KDM5B: variants seen among roughly 807,000 people sequenced by gnomAD.
KDM5B encodes the protein lysine-specific demethylase 5B.
Under a neutral mutation model 193.4 loss-of-function variants are expected in KDM5B, and 144 were observed. The observed-to-expected ratio is 0.74, with a 90% CI of 0.65 to 0.86. The LOEUF (loss-of-function observed/expected upper bound fraction) is 0.86, where lower values mean the gene tolerates loss of function less well. KDM5B is among the 40% of genes least tolerant of loss of function. The pLI is 0.00. For synonymous variants in KDM5B, 668 were observed against 682.6 expected, an observed-to-expected ratio of 0.98 and a Z score of 0.33; for missense variants, 1,833 against 1,886.9, an observed-to-expected ratio of 0.97 and a Z score of 0.53.
At chr1:202,757,177 A>G (rs762498173) in intron 9 of KDM5B, among the ~76,000 whole-genome samples, 5 of 152,166 alleles carry the variant, frequency 3.3e-5, no homozygotes, top group Non-Finnish European at 7.3e-5. Context: ...TTGCCCTCCT[A>G]TGAGACTCTA....
At chr1:202,750,619 CAAT>C (rs1655750861) in intron 13 of KDM5B, 37 bp downstream of exon 13, 2 of 1,599,824 alleles carry the variant, frequency 1.3e-6, no homozygotes, top group South Asian at 1.1e-5. Flanking sequence ...TCAGGAAAAA[CAAT>C]AAATTTGAAA....
rs1656794931 is a variant in KDM5B at position 202,773,215 on chromosome 1, C to G, written c.479G>C (p.Gly160Ala). 6.2e-7 allele frequency: 1 copy of G among 1,613,980 alleles called. No individual in the cohort carries two copies. Among genetic ancestry groups the G allele is most frequent in the Non-Finnish European group, 8.5e-7 (1 of 1,179,886 alleles). Residue 160 changes from glycine (G) to alanine (A), a missense_variant, in exon 4 of 27, where the codon GGG becomes GCG. By Grantham distance (60) the Gly-to-Ala change is moderately conservative. Coordinates refer to ENST00000367265, the MANE Select transcript of KDM5B (RefSeq NM_006618.5). Reference sequence around the variant, plus strand: ...GCCCACTGCTTTGCCAGGAGCAAACCCCATCTTGGTAGCAATTTTGGTCCA... The same window carrying G: ...GCCCACTGCTTTGCCAGGAGCAAACGCCATCTTGGTAGCAATTTTGGTCCA... The part of the protein sequence containing the change: ...RKWTKIATKM[G>A]FAPGKAVGSH...
chr1:202,792,990 G>A (rs934585229), intron 1 of KDM5B, among the ~76,000 whole-genome samples: 127 of 140,032 alleles, frequency 9.1e-4, no homozygotes, highest in Admixed American at 1.1e-3. Flanking sequence ...GCCACACAGC[G>A]AGACTCCCTC....
intron 1 of KDM5B, among the ~76,000 whole-genome samples, chr1:202,790,264 AAATG>A (rs538446481): frequency 2.8e-5 from 3 of 105,972 alleles, no homozygotes; most frequent in Non-Finnish European, 7.0e-5. Flanking sequence ...ACTGTCTCAT[AAATG>A]AATGAATGAA....
At chr1:202,778,536 A>G (rs1373197494) in intron 1 of KDM5B, among the ~76,000 whole-genome samples, 2 of 152,232 alleles carry the variant, frequency 1.3e-5, no homozygotes, top group Non-Finnish European at 2.9e-5. Flanking sequence ...ATTTAATGTT[A>G]TGTACATTTT....
chr1:202,772,645 G>T lies in KDM5B; in HGVS notation c.576+473C>A, dbSNP rs555308706. Among the ~76,000 whole-genome samples the T allele has an allele frequency of 5.9e-5, 9 of 151,810 alleles. No homozygotes were observed. In the East Asian group the frequency reaches 1.7e-3, roughly 29 times the overall value. ...CAGAAACAAACTTCTAAGTATAGCT[G>T]CTCTCAAAGCAGAACAAAAACACTA... On this transcript the variant is annotated intron_variant, in intron 4 of 26. Coordinates refer to ENST00000367265, the MANE Select transcript of KDM5B (RefSeq NM_006618.5).
At chr1:202,776,794 C>T (rs1656975774) in intron 2 of KDM5B, among the ~76,000 whole-genome samples, 1 of 152,098 alleles carries the variant, frequency 6.6e-6, no homozygotes, top group Admixed American at 6.6e-5. Flanking sequence ...CCTCCTGCCC[C>T]AGCCTCCCAA....
chr1:202,799,655 C>T (rs1444661835), intron 1 of KDM5B, among the ~76,000 whole-genome samples: 1 of 94,924 alleles, frequency 1.1e-5, no homozygotes, highest in Non-Finnish European at 2.4e-5. Context: ...GAAACTCCAT[C>T]TCAAAAAAAA....
Position 202,728,250 on chromosome 1 carries a change from C to T in KDM5B, c.*786G>A, listed in dbSNP as rs1654745080. 6.6e-6 allele frequency: 1 copy of T among 152,410 alleles called. No individual in the cohort carries two copies. Among genetic ancestry groups the T allele is most frequent in the Admixed American group, 6.5e-5 (1 of 15,282 alleles). 9.4% of individuals were successfully genotyped at this position (152,410 alleles called of 1,614,324 possible). ...ACAATATAAACTGTAACATTTGATA[C>T]AAGCTACCAAAAAATAGGGGAGAAA... On this transcript the variant is annotated 3_prime_UTR_variant, in exon 27 of 27. Coordinates refer to ENST00000367265, the MANE Select transcript of KDM5B (RefSeq NM_006618.5).
chr1:202,808,398 A>G lies in KDM5B; in HGVS notation c.-93T>C, dbSNP rs898208030. 13 of 1,165,202 alleles carry G rather than the reference A, an allele frequency of 1.1e-5. No individual in the cohort carries two copies. Among genetic ancestry groups the G allele is most frequent in the Non-Finnish European group, 1.5e-5 (13 of 849,942 alleles). 72.2% of individuals were successfully genotyped at this position (1,165,202 alleles called of 1,614,324 possible). A position where few individuals can be genotyped will look rare whatever the true frequency, so the allele number is the denominator to read the frequency against. ...CCGAGACCCGTGCAGACGCGGCTCG[A>G]GCAACAGCAAGTCCGAGTTGTACGG... On this transcript the variant is annotated 5_prime_UTR_variant, in exon 1 of 27. Transcript: ENST00000367265.
At position 202,725,484 on chromosome 1, in the gene KDM5B, GAC is replaced by G. The variant is rs1446210035; in HGVS notation, c.*3550_*3551del. 6.6e-6 allele frequency: 1 copy of G among 152,226 alleles called. No homozygotes were observed. Among genetic ancestry groups the G allele is most frequent in the Non-Finnish European group, 1.5e-5 (1 of 68,046 alleles). The allele number at this position is 152,226 out of a possible 1,614,324, so 9.4% of individuals were successfully genotyped here. ...AAATAGCCACATGCAAAGGATTGAT[GAC>G]AGAGGGGCAAAGAGGGCGAAGCCAT... is the stretch of plus-strand genomic sequence containing the variant. On this transcript the variant is annotated 3_prime_UTR_variant, in exon 27 of 27. Coordinates refer to ENST00000367265, the MANE Select transcript of KDM5B (RefSeq NM_006618.5).
intron 1 of KDM5B, among the ~76,000 whole-genome samples, chr1:202,779,597 G>T (rs1413362544): frequency 6.6e-6 from 1 of 151,918 alleles, no homozygotes; most frequent in Non-Finnish European, 1.5e-5. Context: ...CCTGAGGTCA[G>T]GAGACCAGCC....
intron 7 of KDM5B, among the ~76,000 whole-genome samples, chr1:202,760,993 G>A (rs966874858): frequency 3.3e-5 from 5 of 150,806 alleles, no homozygotes; most frequent in African/African-American, 4.9e-5. Flanking sequence ...GCACCACTGC[G>A]CTCTAGCCTG....
chr1:202,801,232 A>G (rs1473730752), intron 1 of KDM5B, among the ~76,000 whole-genome samples: 2 of 150,096 alleles, frequency 1.3e-5, no homozygotes, highest in African/African-American at 4.9e-5. Context: ...GAACAAAATG[A>G]TTAGTTTTTA....
intron 23 of KDM5B, among the ~76,000 whole-genome samples, chr1:202,732,504 A>G (rs1383576049): frequency 6.6e-6 from 1 of 152,214 alleles, no homozygotes; most frequent in Non-Finnish European, 1.5e-5. Context: ...GGGAGTGTGC[A>G]CAAATGCCAC....
chr1:202,755,793 G>GA (rs1558494769), intron 10 of KDM5B, among the ~76,000 whole-genome samples: 3 of 152,226 alleles, frequency 2.0e-5, no homozygotes, highest in Middle Eastern at 3.4e-3. Context: ...TGCTCGTCCT[G>GA]AAAGAGGAAA....
At chr1:202,759,979 T>A (rs1323394661) in intron 8 of KDM5B, among the ~76,000 whole-genome samples, 1 of 152,184 alleles carries the variant, frequency 6.6e-6, no homozygotes, top group Non-Finnish European at 1.5e-5. Context: ...CCATCCCAGT[T>A]TTCTTCATGG....
rs1654814977 is a variant in KDM5B at position 202,729,876 on chromosome 1, G to A, written c.4328C>T (p.Pro1443Leu). The A allele has an allele frequency of 6.2e-7, 1 of 1,613,980 alleles. No homozygotes were observed. The highest frequency in any genetic ancestry group is 1.7e-5 in the Admixed American group (1 of 59,992). ...PKKKKIKLSH[P>L]KDMNNFKLER... Reference sequence around the variant, plus strand: ...TAACTTGAAATTGTTCATGTCCTTGGGGTGGCTCAGTTTGATTTTCTTCTT... The same window carrying A: ...TAACTTGAAATTGTTCATGTCCTTGAGGTGGCTCAGTTTGATTTTCTTCTT... Residue 1443 changes from proline (P) to leucine (L), a missense_variant, in exon 26 of 27, where the codon CCC becomes CTC. This residue lies in a region of KDM5B where 1,379 missense variants were observed against 1,349.6 expected (regional missense o/e 1.02). Coordinates refer to ENST00000367265, the MANE Select transcript of KDM5B (RefSeq NM_006618.5).
rs180799350 is a variant in KDM5B, at chr1:202,789,988, C to T, written c.205-12894G>A. 2.0e-3 allele frequency among the ~76,000 whole-genome samples: 299 copies of T among 150,544 alleles called. 1 individual carries two copies. Among genetic ancestry groups the T allele is most frequent in the African/African-American group, 6.6e-3 (272 of 41,012 alleles). On this transcript the variant is annotated intron_variant, in intron 1 of 26. Transcript: ENST00000367265. ...CTGTAATCCCAGCACTTTGGGAGGC[C>T]GAGGTGGGCAGATCACTTGAGGTCT...
Sources: gnomAD v4.1 joint callset for allele counts (sites outside exome capture counted in the v4.1 genomes callset) on GRCh38, gnomAD v4.1.1 for gene constraint, gnomAD v4.1.1 regional missense constraint, MANE v1.5 for transcripts, NCBI Gene and HGNC (gene_info 2026-07-23, HGNC 2026-07-21) for gene names.